NCAM2: variants seen among roughly 807,000 people sequenced by gnomAD.
The protein encoded by NCAM2 is neural cell adhesion molecule 2.
A neutral mutation model predicts 98.1 loss-of-function variants in NCAM2; 30 were observed. The ratio of observed to expected loss-of-function variants is 0.31; its 90% CI spans 0.23 to 0.41. The LOEUF (loss-of-function observed/expected upper bound fraction) is 0.41, where lower values mean the gene tolerates loss of function less well. Among genes scored for constraint, NCAM2 ranks in the 10% least tolerant of loss-of-function variants. The pLI, the probability that NCAM2 is intolerant of heterozygous loss-of-function variation, is 1.00. For missense variants in NCAM2, 867 were observed against 1,005.8 expected, an observed-to-expected ratio of 0.86 and a Z score of 1.87; for synonymous variants, 368 against 342.4, an observed-to-expected ratio of 1.07 and a Z score of -0.83.
chr21:21,242,961 G>T (rs2071126761), intron 1 of NCAM2, among the ~76,000 whole-genome samples: 1 of 152,078 alleles, frequency 6.6e-6, no homozygotes, highest in South Asian at 2.1e-4. Context: ...TATAGGGAAA[G>T]ATAATTATTC....
rs775128672 is a variant in NCAM2 at position 21,373,868 on chromosome 21, G to A, written c.1050G>A (p.Leu350=). 3.1e-6 allele frequency: 5 copies of A among 1,605,336 alleles called. No homozygotes were observed. In the East Asian group the frequency reaches 6.7e-5, roughly 22 times the overall value. The change falls in exon 9 of 18, where the codon CTG becomes CTA. Residue 350 remains leucine, a synonymous_variant. Coordinates refer to ENST00000400546, the MANE Select transcript of NCAM2 (RefSeq NM_004540.5). ...GFTFTEGDKS[L]DGRIEVKGQH... ...TCCTGAATCGATGTAAACAGAGCCT[G>A]GACGGCCGTATCGAAGTCAAAGGGC...
chr21:21,081,423 C>G (rs530905192), intron 1 of NCAM2, among the ~76,000 whole-genome samples: 3 of 152,216 alleles, frequency 2.0e-5, no homozygotes, highest in East Asian at 3.9e-4. Flanking sequence ...CCTGACATTC[C>G]TGGTGTGTGT....
At chr21:21,139,790 A>ATT (rs68126315) in intron 1 of NCAM2, among the ~76,000 whole-genome samples, 2 of 152,106 alleles carry the variant, frequency 1.3e-5, no homozygotes, top group South Asian at 4.1e-4. Context: ...CAATGTATGA[A>ATT]TAGTTCTATG....
intron 1 of NCAM2, among the ~76,000 whole-genome samples, chr21:21,121,798 C>T (rs1397404863): frequency 6.6e-6 from 1 of 152,166 alleles, no homozygotes; most frequent in East Asian, 1.9e-4. Context: ...TTGAAGTGGC[C>T]CATGGATCGA....
intron 5 of NCAM2, among the ~76,000 whole-genome samples, chr21:21,314,542 T>C (rs2074158925): frequency 6.6e-6 from 1 of 152,142 alleles, no homozygotes. Context: ...TACATACACA[T>C]ATGTACACGT....
intron 1 of NCAM2, among the ~76,000 whole-genome samples, chr21:21,153,556 T>G (rs1315752851): frequency 6.6e-6 from 1 of 151,978 alleles, no homozygotes; most frequent in Non-Finnish European, 1.5e-5. Context: ...AAATCCATTT[T>G]AAGTAGTGGA....
At chr21:21,017,070 C>G (rs377565174) in intron 1 of NCAM2, among the ~76,000 whole-genome samples, 2 of 152,026 alleles carry the variant, frequency 1.3e-5, no homozygotes, top group African/African-American at 4.8e-5. Flanking sequence ...ATAACATTTT[C>G]AAGTGTAAGG....
intron 15 of NCAM2, among the ~76,000 whole-genome samples, chr21:21,491,023 C>T (rs535620222): frequency 2.6e-5 from 4 of 151,662 alleles, no homozygotes; most frequent in East Asian, 3.9e-4. Flanking sequence ...CCTTTTTTGT[C>T]CTTGTCGAGT....
At chr21:21,205,298 A>T (rs952081375) in intron 1 of NCAM2, among the ~76,000 whole-genome samples, 1 of 152,192 alleles carries the variant, frequency 6.6e-6, no homozygotes, top group Non-Finnish European at 1.5e-5. Flanking sequence ...TTGTTTGTCA[A>T]CATGTCAGAA....
chr21:21,319,470 A>T (rs1364442952), intron 5 of NCAM2, among the ~76,000 whole-genome samples: 1 of 152,060 alleles, frequency 6.6e-6, no homozygotes, highest in African/African-American at 2.4e-5. Context: ...GTGAAACCCC[A>T]TCTCTACTAA....
chr21:21,114,947 A>C (rs563566037), intron 1 of NCAM2, among the ~76,000 whole-genome samples: 91 of 151,732 alleles, frequency 6.0e-4, no homozygotes, highest in Non-Finnish European at 7.8e-4. Flanking sequence ...CAGTCTCCAT[A>C]GTAGCTGGGA....
chr21:21,127,057 C>T (rs6518080), intron 1 of NCAM2, among the ~76,000 whole-genome samples: 149,856 of 152,040 alleles, frequency 0.99, 73,875 homozygotes, highest in East Asian at 1. Flanking sequence ...ATATTTTTCA[C>T]TATTAAAAAA....
At chr21:21,382,838 A>ATT (rs926460475) in intron 9 of NCAM2, among the ~76,000 whole-genome samples, 2 of 144,364 alleles carry the variant, frequency 1.4e-5, no homozygotes, top group African/African-American at 5.1e-5. Flanking sequence ...CCCAAATAGT[A>ATT]TTTTTTTTTT....
rs370109412 is a variant in NCAM2 at position 21,033,139 on chromosome 21, C to T, written c.55+34521C>T. The stretch of plus-strand genomic sequence containing the variant: ...CTAATTTTTGTGTTTTTAGTAGAGA[C>T]GGGGTTTCACCAGGTGCCAGGCTGG... On this transcript the variant is annotated intron_variant, in intron 1 of 17. Coordinates refer to ENST00000400546, the MANE Select transcript of NCAM2 (RefSeq NM_004540.5). 3.4e-3 allele frequency among the ~76,000 whole-genome samples: 510 copies of T among 151,982 alleles called. 1 individual carries two copies. Among genetic ancestry groups the T allele is most frequent in the African/African-American group, 0.011 (475 of 41,446 alleles).
At chr21:21,477,589 C>G (rs1446971971) in intron 15 of NCAM2, 118 bp downstream of exon 15, 8 of 856,126 alleles carry the variant, frequency 9.3e-6, no homozygotes, top group South Asian at 2.7e-5. Flanking sequence ...ATTCCAGGTT[C>G]TAATTATTAT....
intron 9 of NCAM2, among the ~76,000 whole-genome samples, chr21:21,401,397 C>CA (rs1179264980): frequency 1.3e-5 from 2 of 152,130 alleles, no homozygotes; most frequent in East Asian, 3.9e-4. Flanking sequence ...TTGGGTAATA[C>CA]ATCTCAAAAA....
intron 15 of NCAM2, among the ~76,000 whole-genome samples, chr21:21,507,037 A>ATT (rs551005230): frequency 4.7e-5 from 7 of 149,740 alleles, no homozygotes; most frequent in Admixed American, 1.3e-4. Flanking sequence ...AAATTGAATG[A>ATT]TTTTTTTTTT....
chr21:21,515,772 C>T (rs921912730), intron 16 of NCAM2, among the ~76,000 whole-genome samples: 2 of 152,068 alleles, frequency 1.3e-5, no homozygotes, highest in East Asian at 1.9e-4. Context: ...AGCTTAAACC[C>T]GTGTAAAGTA....
At chr21:21,301,925 C>T (rs371206828) in intron 5 of NCAM2, among the ~76,000 whole-genome samples, 7 of 145,582 alleles carry the variant, frequency 4.8e-5, no homozygotes, top group African/African-American at 1.8e-4. Flanking sequence ...TCATCTCACA[C>T]CAGTTAGAAT....
Sources: gnomAD v4.1 joint callset for allele counts (sites outside exome capture counted in the v4.1 genomes callset) on GRCh38, gnomAD v4.1.1 for gene constraint, MANE v1.5 for transcripts, NCBI Gene and HGNC (gene_info 2026-07-23, HGNC 2026-07-21) for gene names.